KCNN2: variants seen among roughly 807,000 people sequenced by gnomAD.
The protein encoded by KCNN2 is small conductance calcium-activated potassium channel protein 2.
Under a neutral mutation model 55.5 loss-of-function variants are expected in KCNN2, and 24 were observed. The ratio of observed to expected loss-of-function variants is 0.43; its 90% CI spans 0.31 to 0.61. The LOEUF is 0.61. KCNN2 is among the 20% of genes least tolerant of loss of function. The pLI is 0.08. For synonymous variants in KCNN2, 431 were observed against 336.1 expected (o/e 1.28, Z -3.09); for missense variants, 754 against 853.6 (o/e 0.88, Z 1.45).
At chr5:114,377,824 C>T (rs1358086554) in intron 2 of KCNN2, among the ~76,000 whole-genome samples, 2 of 152,300 alleles carry the variant, frequency 1.3e-5, no homozygotes, top group East Asian at 3.9e-4. Flanking sequence ...TTTTGGGATT[C>T]AGTAAGACAG....
At position 114,268,942 on chromosome 5, in the gene KCNN2, GT is replaced by G. The variant is rs1755262774; in HGVS notation, c.-185+47378del. Among the ~76,000 whole-genome samples the G allele has an allele frequency of 4.6e-5, 7 of 151,896 alleles. No homozygotes were observed. In the South Asian group the frequency reaches 1.5e-3, roughly 32 times the overall value. On this transcript the variant is annotated intron_variant, in intron 2 of 10. Transcript: ENST00000512097. The stretch of plus-strand genomic sequence containing the variant: ...GGTCTCCCAGCCATCTGTCTCGGGG[GT>G]GGGGGGGTTCTCTGAGGATCCTGAG...
chr5:114,280,661 G>A (rs1355937298), intron 2 of KCNN2, among the ~76,000 whole-genome samples: 1 of 151,918 alleles, frequency 6.6e-6, no homozygotes, highest in Non-Finnish European at 1.5e-5. Flanking sequence ...TTAAGTCACC[G>A]TAATTTCTTA....
intron 2 of KCNN2, among the ~76,000 whole-genome samples, chr5:114,380,779 A>G (rs1191950629): frequency 6.6e-6 from 1 of 152,016 alleles, no homozygotes; most frequent in East Asian, 1.9e-4. Context: ...AGGGTGGGAG[A>G]GAGTAGTGAA....
intron 3 of KCNN2, among the ~76,000 whole-genome samples, chr5:114,415,133 G>T (rs1237207683): frequency 2.0e-5 from 3 of 152,192 alleles, no homozygotes; most frequent in African/African-American, 7.2e-5. Flanking sequence ...TGCCTATGTT[G>T]TAGTATGTAT....
chr5:114,315,555 T>A (rs1365429225), intron 2 of KCNN2, among the ~76,000 whole-genome samples: 1 of 152,046 alleles, frequency 6.6e-6, no homozygotes, highest in Non-Finnish European at 1.5e-5. Context: ...TTAGTGGTTT[T>A]AAAATAAATT....
chr5:114,233,859 C>G (rs1236939751), intron 2 of KCNN2, among the ~76,000 whole-genome samples: 1 of 152,120 alleles, frequency 6.6e-6, no homozygotes, highest in Non-Finnish European at 1.5e-5. Context: ...TGTTCCCTAT[C>G]CTCTGTATCA....
chr5:114,100,210 C>T (rs1580512432), intron 1 of KCNN2, among the ~76,000 whole-genome samples: 1 of 151,640 alleles, frequency 6.6e-6, no homozygotes, highest in East Asian at 1.9e-4. Context: ...GAAGGAAAAC[C>T]CCCAAGATTA....
chr5:114,253,355 A>G (rs1443138428), intron 2 of KCNN2, among the ~76,000 whole-genome samples: 2 of 152,184 alleles, frequency 1.3e-5, no homozygotes, highest in Non-Finnish European at 2.9e-5. Flanking sequence ...ACTGGAATTT[A>G]GCTTTCTACC....
intron 2 of KCNN2, among the ~76,000 whole-genome samples, chr5:114,281,587 C>G (rs565816528): frequency 5.0e-5 from 7 of 139,350 alleles, no homozygotes; most frequent in South Asian, 4.6e-4. Flanking sequence ...TCTTGTCAAT[C>G]TCTGTCTCTC....
chr5:114,238,206 C>A (rs1424750011), intron 2 of KCNN2, among the ~76,000 whole-genome samples: 2 of 152,144 alleles, frequency 1.3e-5, no homozygotes, highest in African/African-American at 4.8e-5. Context: ...ACTTTGCTAT[C>A]CTCTTGTAGG....
At chr5:114,432,782 G>A (rs978593958) in intron 3 of KCNN2, among the ~76,000 whole-genome samples, 7 of 152,182 alleles carry the variant, frequency 4.6e-5, no homozygotes, top group Admixed American at 3.3e-4. Context: ...CCGAGCAGCC[G>A]GCCAGCCCTG....
At chr5:114,214,261 T>C (rs1296831483) in intron 1 of KCNN2, among the ~76,000 whole-genome samples, 2 of 151,936 alleles carry the variant, frequency 1.3e-5, no homozygotes, top group Non-Finnish European at 2.9e-5. Context: ...CTATAGACGA[T>C]GTATAGAGAA....
At chr5:114,159,918 T>C (rs9688127) in intron 1 of KCNN2, among the ~76,000 whole-genome samples, 14,016 of 152,164 alleles carry the variant, frequency 0.092, 811 homozygotes, top group Non-Finnish European at 0.12. Flanking sequence ...GTCTTGCTAG[T>C]GGTCTATCAA....
chr5:114,300,747 A>G (rs893624065), intron 2 of KCNN2, among the ~76,000 whole-genome samples: 1 of 152,232 alleles, frequency 6.6e-6, no homozygotes, highest in Non-Finnish European at 1.5e-5. Context: ...TAAAGAATAA[A>G]TGTTGATTAC....
chr5:114,358,551 T>C (rs1443281265), upstream of KCNN2, among the ~76,000 whole-genome samples: 2 of 152,234 alleles, frequency 1.3e-5, no homozygotes, highest in Non-Finnish European at 2.9e-5. Context: ...GGTGTTAATC[T>C]AGGGAAATTC....
At chr5:114,260,357 T>C (rs1192511184) in intron 2 of KCNN2, among the ~76,000 whole-genome samples, 1 of 152,244 alleles carries the variant, frequency 6.6e-6, no homozygotes. Flanking sequence ...TAAATTGCTC[T>C]ATACCTCAGC....
chr5:114,455,643 A>C (rs1392019927), intron 3 of KCNN2, among the ~76,000 whole-genome samples: 4 of 152,250 alleles, frequency 2.6e-5, no homozygotes, highest in Non-Finnish European at 5.9e-5. Flanking sequence ...AGCTGGGATA[A>C]GCTGAAAGCT....
rs1380480 is a variant in KCNN2 at position 114,475,349 on chromosome 5, C to T, written c.1890+2185C>T. ...TCTCACCATACTTGACTTCTACACA[C>T]TAGATGCCAGTAGCACTACCCCCAA... On this transcript the variant is annotated intron_variant, in intron 5 of 7. Transcript: ENST00000673685. Among the ~76,000 whole-genome samples the T allele has an allele frequency of 2.0e-5, 3 of 151,924 alleles. No homozygotes were observed. In the East Asian group the frequency reaches 5.8e-4, roughly 29 times the overall value.
intron 6 of KCNN2, among the ~76,000 whole-genome samples, chr5:114,490,124 G>T (rs1747776578): frequency 6.6e-6 from 1 of 152,054 alleles, no homozygotes; most frequent in African/African-American, 2.4e-5. Context: ...GCTTTTTCTG[G>T]TAGCAACTTT....
Sources: gnomAD v4.1 joint callset for allele counts (sites outside exome capture counted in the v4.1 genomes callset) on GRCh38, gnomAD v4.1.1 for gene constraint, MANE v1.5 for transcripts, NCBI Gene and HGNC (gene_info 2026-07-23, HGNC 2026-07-21) for gene names.